The following CHCHD3 variants were observed in gnomAD, a reference collection of about 807,000 sequenced individuals.
CHCHD3 encodes MICOS complex subunit MIC19.
In CHCHD3, 20 loss-of-function variants were observed where a neutral mutation model predicts 38.2. That is an observed-to-expected ratio of 0.52 (90% CI 0.37 to 0.76). The LOEUF (loss-of-function observed/expected upper bound fraction) is 0.76, where lower values mean the gene tolerates loss of function less well. Ranked by LOEUF, CHCHD3 falls within the 30% of genes least tolerant of loss-of-function variation. The pLI, the probability that CHCHD3 is intolerant of heterozygous loss-of-function variation, is 0.00. For synonymous variants in CHCHD3, 82 were observed against 100.0 expected, an observed-to-expected ratio of 0.82 and a Z score of 1.07; for missense variants, 245 against 279.2, an observed-to-expected ratio of 0.88 and a Z score of 0.87.
At chr7:132,795,092 T>C (rs1806572761) in intron 7 of CHCHD3, among the ~76,000 whole-genome samples, 1 of 152,196 alleles carries the variant, frequency 6.6e-6, no homozygotes, top group Non-Finnish European at 1.5e-5. Context: ...TGTGGTAATG[T>C]TACAAATCAC....
At chr7:132,923,720 A>G (rs776482420) in intron 4 of CHCHD3, among the ~76,000 whole-genome samples, 1 of 152,208 alleles carries the variant, frequency 6.6e-6, no homozygotes, top group African/African-American at 2.4e-5. Flanking sequence ...AATGGGAAAT[A>G]AACTTGAAGA....
At chr7:133,029,534 A>G (rs755669967) in intron 2 of CHCHD3, among the ~76,000 whole-genome samples, 6 of 152,216 alleles carry the variant, frequency 3.9e-5, no homozygotes, top group Non-Finnish European at 7.4e-5. Flanking sequence ...GCACAATGTC[A>G]TATCTTCATA....
chr7:132,789,804 G>T (rs1220934772), intron 7 of CHCHD3, among the ~76,000 whole-genome samples: 2 of 152,104 alleles, frequency 1.3e-5, no homozygotes, highest in African/African-American at 4.8e-5. Flanking sequence ...ATAAAGCTGG[G>T]TAGAGAAGCA....
At chr7:132,833,427 T>G (rs895438569) in intron 6 of CHCHD3, among the ~76,000 whole-genome samples, 1 of 152,212 alleles carries the variant, frequency 6.6e-6, no homozygotes, top group East Asian at 1.9e-4. Context: ...ACTGAAATCA[T>G]GGTAAGTAAT....
At chr7:132,940,086 C>A (rs1003950164) in intron 4 of CHCHD3, among the ~76,000 whole-genome samples, 1 of 152,100 alleles carries the variant, frequency 6.6e-6, no homozygotes, top group South Asian at 2.1e-4. Context: ...TGAGAAAGTA[C>A]ATGGACAAGA....
At chr7:132,973,415 T>A in intron 4 of CHCHD3, 1 of 985,534 alleles carries the variant, frequency 1.0e-6, no homozygotes, top group Non-Finnish European at 1.2e-6. Context: ...CCTCAAAAAA[T>A]CCTTCAGCTT....
intron 5 of CHCHD3, among the ~76,000 whole-genome samples, chr7:132,848,376 A>T (rs546413987): frequency 2.6e-5 from 4 of 152,314 alleles, no homozygotes; most frequent in African/African-American, 9.6e-5. Context: ...TGTTTTCCCA[A>T]AGGTGAGAGT....
chr7:132,860,252 G>A (rs1205260146), intron 5 of CHCHD3, among the ~76,000 whole-genome samples: 1 of 152,120 alleles, frequency 6.6e-6, no homozygotes, highest in Non-Finnish European at 1.5e-5. Context: ...GGGTGATGGA[G>A]TGAGACTCGA....
chr7:132,995,124 T>C (rs1812381994), intron 3 of CHCHD3, among the ~76,000 whole-genome samples: 1 of 152,238 alleles, frequency 6.6e-6, no homozygotes. Flanking sequence ...TAGAAACATG[T>C]ATAGAAAGAG....
chr7:132,785,676 A>G lies in CHCHD3; in HGVS notation c.661-16T>C. The G allele has an allele frequency of 1.2e-6, 2 of 1,613,990 alleles. No homozygotes were observed. Among genetic ancestry groups the G allele is most frequent in the Non-Finnish European group, 1.7e-6 (2 of 1,179,888 alleles). On this transcript the variant is annotated splice_polypyrimidine_tract_variant and intron_variant, in intron 7 of 7. Transcript: ENST00000262570. Reference sequence around the variant, plus strand: ...CAAGCATGCTCTGCAAGAAAAACAGAAAGAGTAAGTTTTACCACCGGGAGA... The same window carrying G: ...CAAGCATGCTCTGCAAGAAAAACAGGAAGAGTAAGTTTTACCACCGGGAGA...
At chr7:132,860,747 C>T (rs542022587) in intron 5 of CHCHD3, among the ~76,000 whole-genome samples, 82 of 152,214 alleles carry the variant, frequency 5.4e-4, no homozygotes, top group African/African-American at 1.7e-3. Context: ...CTGCCTCGGC[C>T]TCCCAAATAG....
chr7:132,873,677 C>G (rs1808824658), intron 5 of CHCHD3, among the ~76,000 whole-genome samples: 2 of 152,060 alleles, frequency 1.3e-5, no homozygotes, highest in Admixed American at 6.6e-5. Context: ...CAGGGGCACT[C>G]TGTCACTCAA....
chr7:133,002,167 T>C (rs1812591389), intron 3 of CHCHD3, among the ~76,000 whole-genome samples: 1 of 152,196 alleles, frequency 6.6e-6, no homozygotes, highest in Non-Finnish European at 1.5e-5. Context: ...GATCTTCACT[T>C]CAAAGAGAGA....
intron 6 of CHCHD3, among the ~76,000 whole-genome samples, chr7:132,797,904 T>A (rs1253623721): frequency 6.6e-6 from 1 of 152,188 alleles, no homozygotes; most frequent in African/African-American, 2.4e-5. Context: ...ATCTTGAAAT[T>A]CGTGTTTTTT....
At chr7:132,867,800 C>G (rs1808668790) in intron 5 of CHCHD3, among the ~76,000 whole-genome samples, 1 of 151,954 alleles carries the variant, frequency 6.6e-6, no homozygotes, top group African/African-American at 2.4e-5. Context: ...AAAATTTTCT[C>G]AAAAGAAAAA....
chr7:132,873,690 C>T (rs1184400019), intron 5 of CHCHD3, among the ~76,000 whole-genome samples: 1 of 152,024 alleles, frequency 6.6e-6, no homozygotes, highest in Non-Finnish European at 1.5e-5. Flanking sequence ...TCACTCAAAA[C>T]CAGGTTTTGG....
chr7:132,879,850 C>A (rs1234581461), intron 5 of CHCHD3, among the ~76,000 whole-genome samples: 1 of 149,782 alleles, frequency 6.7e-6, no homozygotes, highest in Non-Finnish European at 1.5e-5. Flanking sequence ...AATTTTTAAG[C>A]TGCTTTAATG....
At chr7:132,876,820 C>T (rs1808926221) in intron 5 of CHCHD3, among the ~76,000 whole-genome samples, 1 of 152,122 alleles carries the variant, frequency 6.6e-6, no homozygotes, top group East Asian at 1.9e-4. Flanking sequence ...AAAGCAAGAT[C>T]CCAGAATAAA....
chr7:132,848,824 A>C (rs1159848995), intron 5 of CHCHD3, among the ~76,000 whole-genome samples: 1 of 152,160 alleles, frequency 6.6e-6, no homozygotes, highest in East Asian at 1.9e-4. Flanking sequence ...TATTACTGAA[A>C]CTTCTTAAAC....
Sources: allele counts gnomAD v4.1 joint callset (sites outside exome capture counted in the v4.1 genomes callset), GRCh38; gene constraint gnomAD v4.1.1; transcripts MANE v1.5; gene names NCBI Gene and HGNC (gene_info 2026-07-23, HGNC 2026-07-21).